Variants in DHCR24 observed in about 807,000 individuals in gnomAD.
DHCR24 encodes delta(24)-sterol reductase.
A neutral mutation model predicts 61.2 loss-of-function variants in DHCR24; 28 were observed. The observed-to-expected ratio is 0.46, with a 90% CI of 0.34 to 0.63. The LOEUF (loss-of-function observed/expected upper bound fraction) is 0.63, where lower values mean the gene tolerates loss of function less well. DHCR24 is among the 20% of genes least tolerant of loss of function. The probability of loss-of-function intolerance (pLI) is 0.01; values close to 1 mark genes in which losing one functional copy is unlikely to be tolerated. For missense variants in DHCR24, 538 were observed against 679.1 expected, an observed-to-expected ratio of 0.79 and a Z score of 2.31; for synonymous variants, 261 against 275.9, an observed-to-expected ratio of 0.95 and a Z score of 0.54.
intron 5 of DHCR24, among the ~76,000 whole-genome samples, chr1:54,868,093 T>C (rs1012776063): frequency 6.6e-6 from 1 of 152,210 alleles, no homozygotes; most frequent in Non-Finnish European, 1.5e-5. Flanking sequence ...TTCACAACTT[T>C]AAAATGTTTT....
At chr1:54,853,272 A>G (rs1360138620) in intron 8 of DHCR24, among the ~76,000 whole-genome samples, 162 bp downstream of exon 8, 2 of 152,054 alleles carry the variant, frequency 1.3e-5, no homozygotes, top group Non-Finnish European at 2.9e-5. Flanking sequence ...CATCTTTCAC[A>G]GCTTACCTCC....
intron 6 of DHCR24, among the ~76,000 whole-genome samples, chr1:54,856,928 A>G (rs186604551): frequency 6.6e-6 from 1 of 152,306 alleles, no homozygotes; most frequent in African/African-American, 2.4e-5. Context: ...GATCACTGTC[A>G]TTCATTCTGA....
At position 54,861,566 on chromosome 1, in the gene DHCR24, C is replaced by T. The variant is rs181990904; in HGVS notation, c.1020+3737G>A. On this transcript the variant is annotated intron_variant, in intron 6 of 8. Transcript: ENST00000371269. ...TCAGTCCCTGGGGGCCTCTCACATC[C>T]GGCCTCCCCTCCATAGCTGGCTTAG... Among the ~76,000 whole-genome samples, 59 of 152,242 alleles carry T rather than the reference C, an allele frequency of 3.9e-4. No homozygotes were observed. The East Asian group carries it at 4.1e-3, about 10-fold the overall frequency.
At chr1:54,885,423 A>T (rs1222957904) in intron 1 of DHCR24, among the ~76,000 whole-genome samples, 1 of 152,132 alleles carries the variant, frequency 6.6e-6, no homozygotes, top group Non-Finnish European at 1.5e-5. Flanking sequence ...ACTGAACCAG[A>T]CCTATAGGGG....
At chr1:54,875,286 G>A (rs1395539684) in intron 3 of DHCR24, 75 bp from the exon 4 acceptor site, 3 of 1,343,042 alleles carry the variant, frequency 2.2e-6, no homozygotes, top group Admixed American at 1.7e-5. Flanking sequence ...GAGCTGGGGG[G>A]CCTCCTAGCA....
chr1:54,870,615 G>A (rs1646993402), intron 5 of DHCR24, among the ~76,000 whole-genome samples: 1 of 152,138 alleles, frequency 6.6e-6, no homozygotes, highest in Non-Finnish European at 1.5e-5. Context: ...AAGGAATAAT[G>A]ACAAGAAAAA....
intron 6 of DHCR24, among the ~76,000 whole-genome samples, chr1:54,864,807 T>C (rs1052125308): frequency 6.6e-6 from 1 of 152,164 alleles, no homozygotes; most frequent in Non-Finnish European, 1.5e-5. Flanking sequence ...AGTCATCTCC[T>C]GAGGGGTTCT....
intron 7 of DHCR24, 83 bp downstream of exon 7, chr1:54,853,954 G>A: frequency 7.3e-7 from 1 of 1,375,734 alleles, no homozygotes; most frequent in Non-Finnish European, 1.0e-6. Flanking sequence ...GTGTGCCCAA[G>A]GTCGGTCACA....
rs927528465 is a variant in DHCR24 at position 54,876,217 on chromosome 1, T to G, written c.388-170A>C. On this transcript the variant is annotated intron_variant, in intron 2 of 8. Transcript: ENST00000371269. The stretch of plus-strand genomic sequence containing the variant: ...ACATTGCCTTTAATTACAGGGAATG[T>G]GATTTCTGGCTCTCGGTTAGCTAGT... Among the ~76,000 whole-genome samples, 5 of 152,358 alleles carry G rather than the reference T, an allele frequency of 3.3e-5. No individual in the cohort carries two copies. In the East Asian group the frequency reaches 7.7e-4, roughly 23 times the overall value.
Position 54,865,376 on chromosome 1 carries a change from C to T in DHCR24, c.947G>A (p.Arg316Gln), listed in dbSNP as rs577722198. 16 of 1,614,176 alleles carry T rather than the reference C, an allele frequency of 9.9e-6. No individual in the cohort carries two copies. The East Asian group carries it at 1.8e-4, about 18-fold the overall frequency. The change falls in exon 6 of 9, where the codon CGA becomes CAA. Residue 316 changes from arginine to glutamine, a missense_variant. Physicochemically the swap from Arg to Gln is conservative, Grantham distance 43 (BLOSUM62 1). Coordinates refer to ENST00000371269, the MANE Select transcript of DHCR24 (RefSeq NM_014762.4). Reference protein sequence around the residue: ...KHVENYLKTNREGLEYIPLRH... With the variant: ...KHVENYLKTNQEGLEYIPLRH... ...CAAGGGAATGTACTCCAGGCCCTCT[C>T]GGTTTGTCTTCAGATAGTTCTCCAC...
chr1:54,886,448 G>T (rs1647096544), intron 1 of DHCR24, among the ~76,000 whole-genome samples: 1 of 152,138 alleles, frequency 6.6e-6, no homozygotes, highest in African/African-American at 2.4e-5. Flanking sequence ...CTTTTCCGAC[G>T]TTCTCCCGCC....
At chr1:54,859,523 G>C (rs1646924498) in intron 6 of DHCR24, among the ~76,000 whole-genome samples, 1 of 152,006 alleles carries the variant, frequency 6.6e-6, no homozygotes. Flanking sequence ...GCCCAGGCTG[G>C]AGTACACTGG....
rs1250612944 is a variant in DHCR24 at position 54,858,465 on chromosome 1, T to C, written c.1021-4231A>G. Among the ~76,000 whole-genome samples the C allele has an allele frequency of 2.0e-5, 3 of 152,226 alleles. No individual in the cohort carries two copies. In the East Asian group the frequency reaches 5.8e-4, roughly 29 times the overall value. ...ACAGATCAGCACAATGACAGATCCC[T>C]AGAGGTCTGAACGTTCACTTCCTGC... On this transcript the variant is annotated intron_variant, in intron 6 of 8. Transcript: ENST00000371269.
At chr1:54,853,975 G>T (rs1646892605) in intron 7 of DHCR24, 62 bp downstream of exon 7, 2 of 1,509,972 alleles carry the variant, frequency 1.3e-6, no homozygotes, top group Non-Finnish European at 9.0e-7. Flanking sequence ...CGGTTCAGGG[G>T]AGGAGACCAT....
At chr1:54,857,297 C>A (rs1474384369) in intron 6 of DHCR24, among the ~76,000 whole-genome samples, 1 of 152,228 alleles carries the variant, frequency 6.6e-6, no homozygotes, top group Admixed American at 6.5e-5. Flanking sequence ...GCTGTAGGGC[C>A]CCATGGCAAA....
intron 6 of DHCR24, among the ~76,000 whole-genome samples, chr1:54,854,855 C>T (rs965567331): frequency 2.6e-5 from 4 of 152,202 alleles, no homozygotes; most frequent in Admixed American, 1.3e-4. Context: ...TGCGCAGAAG[C>T]TGTTCTCTTC....
At chr1:54,858,129 A>T (rs1646917727) in intron 6 of DHCR24, among the ~76,000 whole-genome samples, 1 of 152,242 alleles carries the variant, frequency 6.6e-6, no homozygotes, top group Non-Finnish European at 1.5e-5. Context: ...ACTGTAGAGG[A>T]TGCTGCGCGC....
At position 54,849,996 on chromosome 1, in the gene DHCR24, A is replaced by G. The variant is rs1557803678; in HGVS notation, c.*2237T>C. 1 of 152,374 alleles carries G rather than the reference A, an allele frequency of 6.6e-6. No homozygotes were observed. The highest frequency in any genetic ancestry group is 1.5e-5 in the Non-Finnish European group (1 of 68,052). 9.4% of individuals were successfully genotyped at this position (152,374 alleles called of 1,614,324 possible). On this transcript the variant is annotated 3_prime_UTR_variant, in exon 9 of 9. Transcript: ENST00000371269. ...CTGGCATCAAGTTTAACTCCATCCA[A>G]AACCATCACATGGATGGCCAGGGAC...
At chr1:54,885,264 C>T (rs1405133725) in intron 1 of DHCR24, among the ~76,000 whole-genome samples, 1 of 152,148 alleles carries the variant, frequency 6.6e-6, no homozygotes, top group Non-Finnish European at 1.5e-5. Context: ...GGTCTCGTCC[C>T]TGCCTGAATC....
Sources: allele counts gnomAD v4.1 joint callset (sites outside exome capture counted in the v4.1 genomes callset), GRCh38; gene constraint gnomAD v4.1.1; transcripts MANE v1.5; gene names NCBI Gene and HGNC (gene_info 2026-07-23, HGNC 2026-07-21).